The following MIER2 variants were observed in gnomAD, a reference collection of about 807,000 sequenced individuals.
MIER2 encodes MIER family member 2.
A neutral mutation model predicts 67.6 loss-of-function variants in MIER2; 30 were observed. That is an observed-to-expected ratio of 0.44 (90% confidence interval 0.33 to 0.60). The LOEUF (loss-of-function observed/expected upper bound fraction) is 0.60. Ranked by LOEUF, MIER2 falls within the 20% of genes least tolerant of loss-of-function variation. MIER2 has a pLI of 0.02. For missense variants in MIER2, 702 were observed against 745.1 expected, an observed-to-expected ratio of 0.94 and a Z score of 0.67; for synonymous variants, 372 against 312.6, an observed-to-expected ratio of 1.19 and a Z score of -2.00.
chr19:322,078 T>C (rs769865811), intron 7 of MIER2, among the ~76,000 whole-genome samples: 4 of 151,988 alleles, frequency 2.6e-5, no homozygotes, highest in Non-Finnish European at 5.9e-5. Flanking sequence ...CTCATTTTTG[T>C]ATTTTTAGTA....
chr19:315,374 A>C (rs1379393848), intron 7 of MIER2, among the ~76,000 whole-genome samples: 2 of 151,858 alleles, frequency 1.3e-5, no homozygotes, highest in African/African-American at 4.9e-5. Context: ...TCAAACAAAC[A>C]AACAAAACAA....
intron 9 of MIER2, 71 bp from the exon 10 acceptor site, chr19:312,010 CGGGGAGAACA>C: frequency 8.0e-7 from 1 of 1,243,298 alleles, no homozygotes; most frequent in Non-Finnish European, 1.1e-6. Context: ...AGGCCCAGGC[CGGGGAGAACA>C]GTCAGCGGCG....
rs149021760 is a variant in MIER2, at chr19:310,863, G to A, written c.984+982C>T. Among the ~76,000 whole-genome samples the A allele has an allele frequency of 1.3e-3, 197 of 151,840 alleles. 2 individuals are homozygous for A. The highest frequency in any genetic ancestry group is 4.5e-3 in the African/African-American group (185 of 41,364). On this transcript the variant is annotated intron_variant, in intron 10 of 13. Coordinates refer to ENST00000264819, the MANE Select transcript of MIER2 (RefSeq NM_017550.3). The stretch of plus-strand genomic sequence containing the variant: ...ACACGGCCCACAACTCCAGAAACAC[G>A]GCCCGGAGCTACAGAAACTTGACAG...
chr19:331,602 G>A (rs144670331), intron 3 of MIER2, among the ~76,000 whole-genome samples: 2 of 152,218 alleles, frequency 1.3e-5, no homozygotes, highest in African/African-American at 4.8e-5. Context: ...CCAGGAGTTC[G>A]AGGCTGCAGT....
chr19:315,415 C>T (rs975220308), intron 7 of MIER2, among the ~76,000 whole-genome samples: 2 of 152,220 alleles, frequency 1.3e-5, no homozygotes, highest in South Asian at 2.1e-4. Flanking sequence ...CAGGTCTACA[C>T]ACAGCCGATG....
rs958853829 is a variant in MIER2, at chr19:306,422, C to T, written c.*268G>A. The T allele has an allele frequency of 1.0e-5, 6 of 587,620 alleles. No homozygotes were observed. The highest frequency in any genetic ancestry group is 1.8e-5 in the Non-Finnish European group (6 of 330,518). The allele number at this position is 587,620 out of a possible 1,614,324, so 36.4% of individuals were successfully genotyped here. ...GTCTCTTCTGTCCCCGGCTGCCCGA[C>T]GGATCCCACGTGCAGGCAGCGGCCC... is the stretch of plus-strand genomic sequence containing the variant. On this transcript the variant is annotated 3_prime_UTR_variant, in exon 14 of 14. Transcript: ENST00000264819.
chr19:312,224 G>A lies in MIER2; in HGVS notation c.856C>T (p.Arg286Ter). ...KCNFNVEEAL[R>*]RLRFNVKVIR... ...ACCTTCACGTTGAACCGCAGCCTTC[G>A]CAGGGCCTCCTCCACATTGAAGTTG... Residue 286 changes from arginine to a stop codon, truncating the protein, a stop_gained, in exon 9 of 14, where the codon CGA (arginine) becomes TGA (stop). Transcript: ENST00000264819. LOFTEE classifies it high-confidence loss of function. The A allele has an allele frequency of 1.9e-6, 3 of 1,613,924 alleles. No individual in the cohort carries two copies. The highest frequency in any genetic ancestry group is 2.5e-6 in the Non-Finnish European group (3 of 1,179,892).
rs1013325867 is a variant in MIER2, at chr19:327,340, C to T, written c.370-84G>A. 2.7e-6 allele frequency: 4 copies of T among 1,477,852 alleles called. No individual in the cohort carries two copies. In the Admixed American group the frequency reaches 6.6e-5, roughly 24 times the overall value. The allele number at this position is 1,477,852 out of a possible 1,614,324, so 91.5% of individuals were successfully genotyped here. A position where few individuals can be genotyped will look rare whatever the true frequency, so the allele number is the denominator to read the frequency against. On this transcript the variant is annotated intron_variant, in intron 4 of 13. Transcript: ENST00000264819. Reference sequence around the variant, plus strand: ...ACTAATGATAACAACAGTAAAGACACTGGGAGTGCCCTGAGGCTCACATGG... The same window carrying T: ...ACTAATGATAACAACAGTAAAGACATTGGGAGTGCCCTGAGGCTCACATGG...
intron 7 of MIER2, among the ~76,000 whole-genome samples, chr19:320,342 G>A (rs1053622944): frequency 8.6e-5 from 13 of 151,614 alleles, no homozygotes; most frequent in African/African-American, 2.7e-4. Context: ...ATTGCGCCAC[G>A]GCACTCCAGC....
intron 2 of MIER2, among the ~76,000 whole-genome samples, chr19:335,526 C>A (rs888517546): frequency 6.6e-6 from 1 of 152,172 alleles, no homozygotes; most frequent in Non-Finnish European, 1.5e-5. Context: ...TAGTTTGATA[C>A]GGAAAGAGAC....
chr19:342,023 C>T (rs1227297107), intron 1 of MIER2, among the ~76,000 whole-genome samples: 3 of 152,272 alleles, frequency 2.0e-5, no homozygotes, highest in Non-Finnish European at 4.4e-5. Context: ...AGGTTCCATT[C>T]GCCAAGATGG....
At position 305,657 on chromosome 19, in the gene MIER2, G is replaced by A. The variant is rs1197788925; in HGVS notation, c.*1033C>T. The A allele has an allele frequency of 6.6e-6, 1 of 152,558 alleles. No homozygotes were observed. Among genetic ancestry groups the A allele is most frequent in the Non-Finnish European group, 1.5e-5 (1 of 68,076 alleles). 9.5% of individuals were successfully genotyped at this position (152,558 alleles called of 1,614,324 possible). ...ACTTCACAGTGTGGTCCTTGGTGGGGTGAGGGATGGTCGAGTCCAACTCGG... is the reference window on the plus strand; with the variant it reads ...ACTTCACAGTGTGGTCCTTGGTGGGATGAGGGATGGTCGAGTCCAACTCGG... On this transcript the variant is annotated 3_prime_UTR_variant, in exon 14 of 14. Transcript: ENST00000264819.
At chr19:331,747 C>T (rs921344004) in intron 3 of MIER2, among the ~76,000 whole-genome samples, 1 of 151,826 alleles carries the variant, frequency 6.6e-6, no homozygotes, top group Non-Finnish European at 1.5e-5. Flanking sequence ...CTTTGGGAGG[C>T]CGAGGTGGGC....
At chr19:326,901 G>T in intron 5 of MIER2, 1 of 598,846 alleles carries the variant, frequency 1.7e-6, no homozygotes, top group Non-Finnish European at 2.8e-6. Context: ...TCTGCTAGGG[G>T]AACCAACATG....
intron 3 of MIER2, among the ~76,000 whole-genome samples, chr19:331,360 G>GAAAAAAAAAAAAAA (rs917485905): frequency 1.7e-5 from 2 of 117,954 alleles, no homozygotes; most frequent in African/African-American, 6.4e-5. Context: ...TCTGTCCCCA[G>GAAAAAAAAAAAAAA]AAAAAAAAAA....
At chr19:339,353 T>C (rs184679905) in intron 1 of MIER2, among the ~76,000 whole-genome samples, 4 of 152,266 alleles carry the variant, frequency 2.6e-5, no homozygotes, top group African/African-American at 9.6e-5. Flanking sequence ...CAGGAAAAGA[T>C]ACTCAATGTA....
chr19:335,327 C>T (rs1451996891), intron 2 of MIER2, among the ~76,000 whole-genome samples: 1 of 152,244 alleles, frequency 6.6e-6, no homozygotes, highest in Non-Finnish European at 1.5e-5. Flanking sequence ...GCACCACACA[C>T]AGCCCATGCA....
intron 3 of MIER2, among the ~76,000 whole-genome samples, chr19:332,088 C>T (rs8108494): frequency 1 from 152,307 of 152,314 alleles, 76,150 homozygotes; most frequent in Non-Finnish European, 1. Context: ...TGGGACAGTT[C>T]TTTTTATTTT....
At chr19:334,309 AC>A in intron 3 of MIER2, 90 bp downstream of exon 3, 1 of 1,552,600 alleles carries the variant, frequency 6.4e-7, no homozygotes, top group Non-Finnish European at 8.7e-7. Context: ...TTTAGCACTT[AC>A]CAATGTGGAA....
Sources: gnomAD v4.1 joint callset for allele counts (sites outside exome capture counted in the v4.1 genomes callset) on GRCh38, gnomAD v4.1.1 for gene constraint, MANE v1.5 for transcripts, NCBI Gene and HGNC (gene_info 2026-07-23, HGNC 2026-07-21) for gene names.